Variants in SECISBP2L observed in about 807,000 individuals in gnomAD.
SECISBP2L encodes SECIS binding protein 2 like.
A neutral mutation model predicts 114.7 loss-of-function variants in SECISBP2L; 43 were observed. The observed-to-expected ratio is 0.38, with a 90% CI of 0.29 to 0.48. SECISBP2L has a LOEUF of 0.48. Ranked by LOEUF, SECISBP2L falls within the 20% of genes least tolerant of loss-of-function variation. The probability of loss-of-function intolerance (pLI) is 0.98; values close to 1 mark genes in which losing one functional copy is unlikely to be tolerated. For synonymous variants in SECISBP2L, 451 were observed against 439.7 expected, an observed-to-expected ratio of 1.03 and a Z score of -0.32; for missense variants, 1,136 against 1,301.1, an observed-to-expected ratio of 0.87 and a Z score of 1.95.
intron 11 of SECISBP2L, 165 bp from the exon 12 acceptor site, chr15:49,012,982 T>G: frequency 1.6e-6 from 1 of 643,328 alleles, no homozygotes; most frequent in South Asian, 2.1e-5. Flanking sequence ...AGATACAGCT[T>G]TTACCTATCC....
intron 14 of SECISBP2L, chr15:49,001,892 T>C (rs1902218039): frequency 6.6e-6 from 1 of 152,090 alleles, no homozygotes; most frequent in Non-Finnish European, 1.5e-5. Context: ...TTCCAAGTCT[T>C]TGCTATTGTG....
At chr15:48,997,833 C>T (rs1902125655) in intron 16 of SECISBP2L, among the ~76,000 whole-genome samples, 1 of 152,114 alleles carries the variant, frequency 6.6e-6, no homozygotes, top group African/African-American at 2.4e-5. Flanking sequence ...CATGCCATTG[C>T]ACTCCAGCCT....
In SECISBP2L at chr15:49,012,995, T is replaced by C. The variant is rs1902467439; in HGVS notation, c.1562-178A>G. Reference sequence around the variant, plus strand: ...TCAGATACAGCTTTTACCTATCCTTTAGAGACTAAGCCAATGCAATTAACC... The same window carrying C: ...TCAGATACAGCTTTTACCTATCCTTCAGAGACTAAGCCAATGCAATTAACC... On this transcript the variant is annotated intron_variant, in intron 11 of 17. Transcript: ENST00000559471. The C allele has an allele frequency of 1.2e-5, 7 of 603,616 alleles. No individual in the cohort carries two copies. The Admixed American group carries it at 2.2e-4, about 19-fold the overall frequency. 37.4% of individuals were successfully genotyped at this position (603,616 alleles called of 1,614,324 possible). A position where few individuals can be genotyped will look rare whatever the true frequency, so the allele number is the denominator to read the frequency against.
rs569162325 is a variant in SECISBP2L, at chr15:49,043,479, A to G, written c.24+2797T>C. Among the ~76,000 whole-genome samples, 266 of 152,260 alleles carry G rather than the reference A, an allele frequency of 1.7e-3. 1 individual carries two copies. Among genetic ancestry groups the G allele is most frequent in the African/African-American group, 6.4e-3 (265 of 41,580 alleles). On this transcript the variant is annotated intron_variant, in intron 1 of 17. Transcript: ENST00000559471. ...TAACAGAAAAGAGACTGTTAACCTC[A>G]AGTGTTCTGTCACTTCTAAGCCCAT...
chr15:49,020,311 T>G (rs1321998989), intron 7 of SECISBP2L, among the ~76,000 whole-genome samples: 1 of 151,670 alleles, frequency 6.6e-6, no homozygotes, highest in African/African-American at 2.4e-5. Flanking sequence ...GCTCGAGTGA[T>G]TCTCTTGCCT....
In SECISBP2L at chr15:49,027,077, G is replaced by C. The variant is rs114945987; in HGVS notation, c.1035+288C>G. ...CAAAATGCTTTTGAATTTTTATGTG[G>C]GAAAAAGACATGGCAAATGAAACAG... On this transcript the variant is annotated intron_variant, in intron 7 of 17. Coordinates refer to ENST00000559471, the MANE Select transcript of SECISBP2L (RefSeq NM_001193489.2). 2.5e-3 allele frequency among the ~76,000 whole-genome samples: 380 copies of C among 152,212 alleles called. 1 individual carries two copies. The highest frequency in any genetic ancestry group is 8.8e-3 in the African/African-American group (364 of 41,536).
At chr15:49,025,111 T>A (rs902878827) in intron 7 of SECISBP2L, among the ~76,000 whole-genome samples, 2 of 152,224 alleles carry the variant, frequency 1.3e-5, no homozygotes, top group Admixed American at 1.3e-4. Context: ...AGAATTCATT[T>A]ATCTAATCTA....
At chr15:49,000,141 C>T (rs1422482020) in intron 15 of SECISBP2L, among the ~76,000 whole-genome samples, 154 bp from the exon 16 acceptor site, 1 of 152,154 alleles carries the variant, frequency 6.6e-6, no homozygotes, top group Non-Finnish European at 1.5e-5. Flanking sequence ...TAATTTTATA[C>T]AATATATGGA....
chr15:49,031,990 T>G (rs1280571841), intron 4 of SECISBP2L, among the ~76,000 whole-genome samples: 1 of 152,216 alleles, frequency 6.6e-6, no homozygotes, highest in African/African-American at 2.4e-5. Context: ...CAAAGCTTCA[T>G]GCCTTTATGC....
At chr15:49,026,153 C>T (rs1902737664) in intron 7 of SECISBP2L, among the ~76,000 whole-genome samples, 1 of 152,050 alleles carries the variant, frequency 6.6e-6, no homozygotes, top group Non-Finnish European at 1.5e-5. Flanking sequence ...CGTTGTCACT[C>T]ACATGTGGAA....
intron 2 of SECISBP2L, 105 bp from the exon 3 acceptor site, chr15:49,035,763 GCTT>G (rs1269460974): frequency 1.0e-4 from 107 of 1,036,420 alleles, no homozygotes; most frequent in Non-Finnish European, 1.5e-4. Flanking sequence ...CAGAACAGTG[GCTT>G]CATGATAATT....
rs79783378 is a variant in SECISBP2L at position 49,016,482 on chromosome 15, T to A, written c.1561+78A>T. 4.1e-3 allele frequency: 5,666 copies of A among 1,385,412 alleles called. 202 individuals are homozygous for A. The African/African-American group carries it at 0.074, about 18-fold the overall frequency. 85.8% of individuals were successfully genotyped at this position (1,385,412 alleles called of 1,614,324 possible). Reference sequence around the variant, plus strand: ...TATATATACACATACATATATAAAATTTTAAAAATTTCGATTAACAACATC... The same window carrying A: ...TATATATACACATACATATATAAAAATTTAAAAATTTCGATTAACAACATC... On this transcript the variant is annotated intron_variant, in intron 11 of 17. Coordinates refer to ENST00000559471, the MANE Select transcript of SECISBP2L (RefSeq NM_001193489.2).
At chr15:49,018,684 C>T (rs530859019) in intron 8 of SECISBP2L, among the ~76,000 whole-genome samples, 5 of 152,222 alleles carry the variant, frequency 3.3e-5, no homozygotes, top group South Asian at 2.1e-4. Context: ...AATGAGTTAC[C>T]GGAGATGTGT....
Position 49,012,672 on chromosome 15 carries a change from T to C in SECISBP2L, c.1707A>G (p.Leu569=), listed in dbSNP as rs2141069517. ...CCTTTTTAAGTGCTGTGGGTCGTTT[T>C]AGTTTTGCAATTTCCTTCTCTTTTC... The part of the protein sequence containing the change: ...KKGKEKEIAK[L]KRPTALKKVI... Residue 569 remains leucine, a synonymous_variant, in exon 12 of 18, where the codon CTA becomes CTG. Coordinates refer to ENST00000559471, the MANE Select transcript of SECISBP2L (RefSeq NM_001193489.2). 2 of 1,613,446 alleles carry C rather than the reference T, an allele frequency of 1.2e-6. No homozygotes were observed. The highest frequency in any genetic ancestry group is 1.1e-5 in the South Asian group (1 of 90,998).
chr15:49,009,456 A>G, intron 13 of SECISBP2L, 78 bp from the exon 14 acceptor site: 2 of 1,422,002 alleles, frequency 1.4e-6, no homozygotes, highest in Non-Finnish European at 1.9e-6. Flanking sequence ...AATGCAATTT[A>G]GAATGGCCAT....
At chr15:49,023,353 GA>G (rs1902679294) in intron 7 of SECISBP2L, among the ~76,000 whole-genome samples, 1 of 152,196 alleles carries the variant, frequency 6.6e-6, no homozygotes, top group Admixed American at 6.5e-5. Flanking sequence ...ACACATGGAA[GA>G]ATGATCAACT....
At chr15:49,014,694 G>A (rs967917484) in intron 11 of SECISBP2L, among the ~76,000 whole-genome samples, 1 of 150,288 alleles carries the variant, frequency 6.7e-6, no homozygotes, top group African/African-American at 2.4e-5. Flanking sequence ...TCTTGAACAT[G>A]TGTATATATG....
In SECISBP2L at chr15:48,996,095, T is replaced by C. The variant is rs1031117442; in HGVS notation, c.2623+272A>G. 5.3e-5 allele frequency: 19 copies of C among 357,860 alleles called. 1 individual carries two copies. The Admixed American group carries it at 5.4e-4, about 10-fold the overall frequency. The allele number at this position is 357,860 out of a possible 1,614,324, so 22.2% of individuals were successfully genotyped here. ...AAACTTCCTAATGTTTAGTTAGTGA[T>C]AGGTCACAAGTATGGTGTGTTTTGC... On this transcript the variant is annotated intron_variant, in intron 17 of 17. Coordinates refer to ENST00000559471, the MANE Select transcript of SECISBP2L (RefSeq NM_001193489.2).
rs1256266586 is a variant in SECISBP2L at position 48,992,529 on chromosome 15, T to C, written c.3021A>G (p.Ile1007Met). The C allele has an allele frequency of 2.5e-6, 4 of 1,614,234 alleles. No individual in the cohort carries two copies. The highest frequency in any genetic ancestry group is 1.1e-5 in the South Asian group (1 of 91,088). ...TACTATTGAGCTGCACTTCTACAGATATGGGTTCATGAGTATAATCTTCCT... is the reference window on the plus strand; with the variant it reads ...TACTATTGAGCTGCACTTCTACAGACATGGGTTCATGAGTATAATCTTCCT... The part of the protein sequence containing the change: ...EEEEDYTHEP[I>M]SVEVQLNSRI... Residue 1007 changes from isoleucine to methionine, a missense_variant, in exon 18 of 18, where the codon ATA (isoleucine) becomes ATG (methionine). Ile to Met is a conservative substitution (Grantham distance 10). Around this residue, in one of 2 missense-constraint regions of SECISBP2L, gnomAD observed 684 missense variants for 848.7 expected, o/e 0.81. Coordinates refer to ENST00000559471, the MANE Select transcript of SECISBP2L (RefSeq NM_001193489.2).
Sources: gnomAD v4.1 joint callset for allele counts (sites outside exome capture counted in the v4.1 genomes callset) on GRCh38, gnomAD v4.1.1 for gene constraint, gnomAD v4.1.1 regional missense constraint, MANE v1.5 for transcripts, NCBI Gene and HGNC (gene_info 2026-07-23, HGNC 2026-07-21) for gene names.